Variants in FGD4 observed in about 807,000 individuals in gnomAD.
The protein encoded by FGD4 is FYVE, RhoGEF and PH domain-containing protein 4.
In FGD4, 42 loss-of-function variants were observed where a neutral mutation model predicts 102.0. That is an observed-to-expected ratio of 0.41 (90% CI 0.32 to 0.53). FGD4 has a LOEUF of 0.53. FGD4 is among the 20% of genes least tolerant of loss of function. FGD4 has a pLI of 0.21. For missense variants in FGD4, 902 were observed against 1,078.2 expected (o/e 0.84, Z 2.29); for synonymous variants, 380 against 375.7 (o/e 1.01, Z -0.13).
Position 32,616,298 on chromosome 12 carries a change from A to C in FGD4, c.1750-3400A>C, listed in dbSNP as rs116725607. Among the ~76,000 whole-genome samples the C allele has an allele frequency of 4.8e-3, 736 of 152,302 alleles. 11 individuals carry two copies. Among genetic ancestry groups the C allele is most frequent in the African/African-American group, 0.017 (698 of 41,566 alleles). On this transcript the variant is annotated intron_variant, in intron 10 of 16. Coordinates refer to ENST00000534526, the MANE Select transcript of FGD4 (RefSeq NM_001370298.3). ...AGAGCTGAATTAAACAGCTCTTTGG[A>C]GTCCAGGTGGCAAAGAACCTTGGGG... is the stretch of plus-strand genomic sequence containing the variant.
At chr12:32,412,326 T>C (rs779441145) in intron 1 of FGD4, among the ~76,000 whole-genome samples, 1 of 152,206 alleles carries the variant, frequency 6.6e-6, no homozygotes. Context: ...GGAAAAAGTA[T>C]TGTTTTTGTT....
intron 14 of FGD4, among the ~76,000 whole-genome samples, chr12:32,628,616 C>T (rs10844264): frequency 0.5 from 75,353 of 151,778 alleles, 19,635 homozygotes; most frequent in Middle Eastern, 0.64. Flanking sequence ...CTGACCAACA[C>T]GGAGAAATCC....
intron 1 of FGD4, among the ~76,000 whole-genome samples, chr12:32,453,212 A>ATATATATATATC (rs1565749005): frequency 5.2e-4 from 29 of 55,588 alleles, no homozygotes; most frequent in African/African-American, 1.2e-3. Flanking sequence ...ATATATATAT[A>ATATATATATATC]TATATATAAT....
At chr12:32,638,854 T>G (rs1366076580) in intron 16 of FGD4, 59 bp downstream of exon 16, 1 of 1,610,940 alleles carries the variant, frequency 6.2e-7, no homozygotes, top group Non-Finnish European at 8.5e-7. Context: ...GGGAAGCGAG[T>G]GGACAGCGGA....
intron 1 of FGD4, among the ~76,000 whole-genome samples, chr12:32,492,665 T>C (rs1944145072): frequency 6.6e-6 from 1 of 152,228 alleles, no homozygotes; most frequent in African/African-American, 2.4e-5. Flanking sequence ...ATTTGTGATA[T>C]ATTCATGTGT....
In FGD4 at chr12:32,608,007, T is replaced by C. The variant is rs1948893920; in HGVS notation, c.1455T>C (p.Pro485=). ...CTTTGCAGCATCACATGCTAGAACC[T>C]GTTCAGCGGATTCCCCGGTATGAGA... ...SLTLQHHMLE[P]VQRIPRYEML... Residue 485 remains proline, a synonymous_variant, in exon 8 of 17, where the codon CCT becomes CCC. Coordinates refer to ENST00000534526, the MANE Select transcript of FGD4 (RefSeq NM_001370298.3). The C allele has an allele frequency of 1.2e-6, 2 of 1,614,228 alleles. No homozygotes were observed. Among genetic ancestry groups the C allele is most frequent in the Non-Finnish European group, 8.5e-7 (1 of 1,180,036 alleles).
chr12:32,455,545 C>T (rs1183993507), intron 1 of FGD4, among the ~76,000 whole-genome samples: 3 of 152,060 alleles, frequency 2.0e-5, no homozygotes, highest in Non-Finnish European at 4.4e-5. Context: ...AGTATTTTAA[C>T]GTACAAAGGT....
chr12:32,433,570 C>T (rs374669064), intron 1 of FGD4, among the ~76,000 whole-genome samples: 2 of 152,050 alleles, frequency 1.3e-5, no homozygotes, highest in Middle Eastern at 6.8e-3. Flanking sequence ...CTCCTGACCT[C>T]AGGTGATCCG....
At chr12:32,564,004 AC>A in intron 1 of FGD4, 132 bp from the exon 2 acceptor site, 1 of 822,364 alleles carries the variant, frequency 1.2e-6, no homozygotes, top group Non-Finnish European at 1.8e-6. Flanking sequence ...AGAGAGGGAG[AC>A]CGTGGAAAGG....
chr12:32,418,467 A>T (rs988178968), intron 1 of FGD4, among the ~76,000 whole-genome samples: 4 of 152,058 alleles, frequency 2.6e-5, no homozygotes, highest in Admixed American at 6.6e-5. Context: ...CGACTTATAG[A>T]GGTACCACCT....
Position 32,640,557 on chromosome 12 carries a change from G to A in FGD4, c.*24G>A. 4 of 1,613,064 alleles carry A rather than the reference G, an allele frequency of 2.5e-6. No homozygotes were observed. The highest frequency in any genetic ancestry group is 3.4e-6 in the Non-Finnish European group (4 of 1,180,020). ...GAACTCCTCCAGGACCAGCCATGGT[G>A]TGGAGGTCTCAGGACTTACAGCTCA... On this transcript the variant is annotated 3_prime_UTR_variant, in exon 17 of 17. Transcript: ENST00000534526.
intron 1 of FGD4, chr12:32,534,251 C>T: frequency 1.6e-6 from 2 of 1,262,198 alleles, no homozygotes; most frequent in East Asian, 6.0e-5. Context: ...GCAGTCCGTC[C>T]TCTGGGGAGG....
intron 1 of FGD4, among the ~76,000 whole-genome samples, chr12:32,420,114 T>A (rs1941575214): frequency 1.3e-5 from 2 of 151,984 alleles, no homozygotes; most frequent in African/African-American, 4.8e-5. Context: ...CTCCTGGGGG[T>A]GAGGGGGGTG....
intron 1 of FGD4, among the ~76,000 whole-genome samples, chr12:32,453,731 T>G (rs986894342): frequency 4.6e-5 from 7 of 152,174 alleles, no homozygotes; most frequent in African/African-American, 1.7e-4. Context: ...TCATACTTTA[T>G]TTTTTAGATT....
At chr12:32,586,419 A>G (rs1347958242) in intron 4 of FGD4, among the ~76,000 whole-genome samples, 1 of 152,240 alleles carries the variant, frequency 6.6e-6, no homozygotes. Context: ...TTGAAAAAAC[A>G]TACTTGATCG....
chr12:32,423,916 A>G (rs937618533), intron 1 of FGD4, among the ~76,000 whole-genome samples: 2 of 139,810 alleles, frequency 1.4e-5, no homozygotes, highest in African/African-American at 2.7e-5. Context: ...CTACCATTCT[A>G]TTCTCTACTT....
intron 4 of FGD4, among the ~76,000 whole-genome samples, chr12:32,596,214 A>G (rs1173562401): frequency 1.3e-5 from 2 of 152,242 alleles, no homozygotes; most frequent in African/African-American, 4.8e-5. Context: ...ATGCCTTCTA[A>G]TAGGACCAAG....
intron 1 of FGD4, among the ~76,000 whole-genome samples, chr12:32,521,820 C>T (rs1316513087): frequency 1.3e-5 from 2 of 152,118 alleles, no homozygotes. Context: ...ACTCCATGAA[C>T]AGTGAACTGT....
Position 32,611,386 on chromosome 12 carries a change from C to A in FGD4, c.1749+103C>A. On this transcript the variant is annotated intron_variant, in intron 10 of 16. Transcript: ENST00000534526. ...ATCCCAGCACTTTGGGAGGCCGAGG[C>A]GAGTGGATCTCCTGAGGTCAGGAGT... 6 of 1,342,678 alleles carry A rather than the reference C, an allele frequency of 4.5e-6. No homozygotes were observed. In the South Asian group the frequency reaches 6.0e-5, roughly 13 times the overall value. 83.2% of individuals were successfully genotyped at this position (1,342,678 alleles called of 1,614,324 possible). A position where few individuals can be genotyped will look rare whatever the true frequency, so the allele number is the denominator to read the frequency against.
Sources: gnomAD v4.1 joint callset for allele counts (sites outside exome capture counted in the v4.1 genomes callset) on GRCh38, gnomAD v4.1.1 for gene constraint, MANE v1.5 for transcripts, NCBI Gene and HGNC (gene_info 2026-07-23, HGNC 2026-07-21) for gene names.